Variants in HSDL2 observed in about 807,000 individuals in gnomAD.
HSDL2 encodes the protein hydroxysteroid dehydrogenase-like protein 2.
A neutral mutation model predicts 46.3 loss-of-function variants in HSDL2; 27 were observed. The observed-to-expected ratio is 0.58, with a 90% CI of 0.43 to 0.80. The LOEUF (loss-of-function observed/expected upper bound fraction) is 0.80, where lower values mean the gene tolerates loss of function less well. Among genes scored for constraint, HSDL2 ranks in the 30% least tolerant of loss-of-function variants. The probability of loss-of-function intolerance (pLI) is 0.00; values close to 1 mark genes in which losing one functional copy is unlikely to be tolerated. For synonymous variants in HSDL2, 153 were observed against 163.6 expected, an observed-to-expected ratio of 0.94 and a Z score of 0.50; for missense variants, 451 against 502.7, an observed-to-expected ratio of 0.90 and a Z score of 0.98.
chr9:112,380,418 A>G (rs930901228), intron 1 of HSDL2, among the ~76,000 whole-genome samples: 3 of 151,998 alleles, frequency 2.0e-5, no homozygotes. Flanking sequence ...AACCTTTTCC[A>G]CGGGTAAAGG....
chr9:112,388,212 C>G (rs1375896888), intron 1 of HSDL2, among the ~76,000 whole-genome samples: 1 of 151,908 alleles, frequency 6.6e-6, no homozygotes, highest in Non-Finnish European at 1.5e-5. Flanking sequence ...CCTGTAACCC[C>G]AGCACTTTGG....
chr9:112,381,146 C>T (rs897622997), intron 1 of HSDL2, among the ~76,000 whole-genome samples: 1 of 145,238 alleles, frequency 6.9e-6, no homozygotes, highest in African/African-American at 2.6e-5. Context: ...GCAGCAGACT[C>T]TATTCTTGGT....
At chr9:112,455,131 G>A (rs1832985663) in intron 9 of HSDL2, among the ~76,000 whole-genome samples, 1 of 152,034 alleles carries the variant, frequency 6.6e-6, no homozygotes, top group African/African-American at 2.4e-5. Context: ...TACTCAGGAG[G>A]CTGAGGCTGG....
intron 9 of HSDL2, among the ~76,000 whole-genome samples, chr9:112,458,575 C>T (rs1463795373): frequency 6.6e-6 from 1 of 151,940 alleles, no homozygotes; most frequent in East Asian, 2.0e-4. Flanking sequence ...CATCTGCCCA[C>T]CCTTGCCTCC....
intron 1 of HSDL2, among the ~76,000 whole-genome samples, chr9:112,389,534 A>G (rs1462396690): frequency 6.6e-6 from 1 of 152,226 alleles, no homozygotes; most frequent in African/African-American, 2.4e-5. Context: ...AAAGTTAAAA[A>G]CAATGGAGTA....
intron 4 of HSDL2, among the ~76,000 whole-genome samples, chr9:112,415,762 A>C (rs190752139): frequency 6.6e-6 from 1 of 152,300 alleles, no homozygotes; most frequent in East Asian, 1.9e-4. Flanking sequence ...TTTCTGTCTT[A>C]ATTCTAGAAA....
intron 4 of HSDL2, among the ~76,000 whole-genome samples, chr9:112,409,331 A>G (rs1406391563): frequency 6.6e-6 from 1 of 152,002 alleles, no homozygotes; most frequent in Non-Finnish European, 1.5e-5. Flanking sequence ...CTGGGATTAC[A>G]GGCGCCCACC....
intron 10 of HSDL2, among the ~76,000 whole-genome samples, chr9:112,470,199 A>G (rs1833532774): frequency 6.6e-6 from 1 of 152,212 alleles, no homozygotes; most frequent in Non-Finnish European, 1.5e-5. Context: ...AACATTTGCT[A>G]TAATCTTTTG....
At chr9:112,461,806 A>G (rs1025790003) in intron 10 of HSDL2, among the ~76,000 whole-genome samples, 6 of 152,234 alleles carry the variant, frequency 3.9e-5, no homozygotes, top group African/African-American at 1.4e-4. Flanking sequence ...TCTGCCCTCC[A>G]AAGGTGAAGA....
At chr9:112,440,112 C>T (rs952735792) in intron 7 of HSDL2, among the ~76,000 whole-genome samples, 6 of 152,102 alleles carry the variant, frequency 3.9e-5, no homozygotes, top group Admixed American at 6.6e-5. Flanking sequence ...TCAGGTCTTC[C>T]GGGTCCTGGT....
At chr9:112,459,810 T>C (rs377307454) in intron 10 of HSDL2, among the ~76,000 whole-genome samples, 16 of 152,324 alleles carry the variant, frequency 1.1e-4, no homozygotes, top group African/African-American at 3.8e-4. Context: ...AGTAATATAA[T>C]GTTGGGAACA....
intron 6 of HSDL2, among the ~76,000 whole-genome samples, chr9:112,427,690 A>T (rs1053394778): frequency 1.3e-5 from 2 of 152,132 alleles, no homozygotes; most frequent in South Asian, 4.1e-4. Flanking sequence ...CGTTTATCTT[A>T]TAGGAGTTCT....
At chr9:112,386,653 G>A (rs1831224237) in intron 1 of HSDL2, among the ~76,000 whole-genome samples, 1 of 151,766 alleles carries the variant, frequency 6.6e-6, no homozygotes, top group Non-Finnish European at 1.5e-5. Flanking sequence ...GCGTGGTGAT[G>A]CACACCCGTG....
chr9:112,430,310 G>T (rs1475636267), intron 6 of HSDL2, among the ~76,000 whole-genome samples: 1 of 152,184 alleles, frequency 6.6e-6, no homozygotes, highest in Admixed American at 6.5e-5. Flanking sequence ...AGGTCCTGTG[G>T]ACTAGTATGG....
At chr9:112,438,692 G>T in intron 7 of HSDL2, 67 bp downstream of exon 7, 1 of 899,854 alleles carries the variant, frequency 1.1e-6, no homozygotes. Flanking sequence ...GAACATATCT[G>T]TTTTTTGTGT....
chr9:112,423,410 C>T (rs554420567), intron 6 of HSDL2, among the ~76,000 whole-genome samples: 4 of 151,006 alleles, frequency 2.6e-5, no homozygotes, highest in African/African-American at 4.9e-5. Flanking sequence ...GGCATAATCT[C>T]GGCTCACTGC....
chr9:112,414,110 A>G (rs62569986), intron 4 of HSDL2: 22,185 of 158,668 alleles, frequency 0.14, 1,912 homozygotes, highest in East Asian at 0.21. Flanking sequence ...TATGCATGCC[A>G]GGGCAAATAT....
intron 1 of HSDL2, among the ~76,000 whole-genome samples, chr9:112,402,550 T>TAAA (rs34600812): frequency 1.9e-3 from 260 of 140,290 alleles, no homozygotes; most frequent in Middle Eastern, 3.7e-3. Context: ...AGAGCTGTCT[T>TAAA]AAAAAAAAAA....
At chr9:112,436,242 CAAAAA>C (rs527930574) in intron 6 of HSDL2, among the ~76,000 whole-genome samples, 1 of 77,662 alleles carries the variant, frequency 1.3e-5, no homozygotes. Flanking sequence ...GACCCTATCT[CAAAAA>C]AAAAAAAAAA....
Sources: allele counts gnomAD v4.1 joint callset (sites outside exome capture counted in the v4.1 genomes callset), GRCh38; gene constraint gnomAD v4.1.1; transcripts MANE v1.5; gene names NCBI Gene and HGNC (gene_info 2026-07-23, HGNC 2026-07-21).